The following PTPRM variants were observed in gnomAD, a reference collection of about 807,000 sequenced individuals.
PTPRM encodes the protein receptor-type tyrosine-protein phosphatase mu.
In PTPRM, 47 loss-of-function variants were observed where a neutral mutation model predicts 186.7. That is an observed-to-expected ratio of 0.25 (90% confidence interval 0.20 to 0.32). The LOEUF (loss-of-function observed/expected upper bound fraction) is 0.32, where lower values mean the gene tolerates loss of function less well. Ranked by LOEUF, PTPRM falls within the 10% of genes least tolerant of loss-of-function variation. PTPRM has a pLI of 1.00. For missense variants in PTPRM, 1,494 were observed against 1,865.0 expected, an observed-to-expected ratio of 0.80 and a Z score of 3.66; for synonymous variants, 668 against 674.9, an observed-to-expected ratio of 0.99 and a Z score of 0.16.
At chr18:8,386,192 A>ATAT (rs899838235) in intron 30 of PTPRM, among the ~76,000 whole-genome samples, 3 of 152,174 alleles carry the variant, frequency 2.0e-5, no homozygotes, top group Non-Finnish European at 2.9e-5. Context: ...GCCTTTGAAA[A>ATAT]TATAAGGGTG....
At position 7,838,683 on chromosome 18, in the gene PTPRM, C is replaced by T. The variant is rs150493159; in HGVS notation, c.197-49423C>T. Among the ~76,000 whole-genome samples the T allele has an allele frequency of 1.4e-3, 218 of 152,346 alleles. 2 individuals carry two copies. Among genetic ancestry groups the T allele is most frequent in the African/African-American group, 5.0e-3 (210 of 41,594 alleles). On this transcript the variant is annotated intron_variant, in intron 2 of 32. Transcript: ENST00000580170. ...GAACTCCCTGGCTATCACCTAATTT[C>T]ACTCAAGGCCTTGGGGCTCTACAGT...
chr18:8,378,437 G>A (rs1568864728), intron 27 of PTPRM, 23 bp downstream of exon 27: 2 of 1,611,680 alleles, frequency 1.2e-6, no homozygotes, highest in Non-Finnish European at 1.7e-6. Context: ...TAAGGGAGGG[G>A]CACTGCACGG....
intron 19 of PTPRM, among the ~76,000 whole-genome samples, chr18:8,278,536 A>T (rs573130219): frequency 6.6e-6 from 1 of 152,342 alleles, no homozygotes; most frequent in Admixed American, 6.5e-5. Context: ...CGTCAGTGAA[A>T]GCAGAGGCAA....
intron 13 of PTPRM, among the ~76,000 whole-genome samples, chr18:8,128,041 T>C (rs1034895213): frequency 6.6e-6 from 1 of 152,134 alleles, no homozygotes; most frequent in African/African-American, 2.4e-5. Flanking sequence ...AAACGTACTA[T>C]CTCTATGATA....
intron 1 of PTPRM, among the ~76,000 whole-genome samples, chr18:7,667,055 C>T (rs753345646): frequency 5.9e-5 from 9 of 152,200 alleles, no homozygotes; most frequent in Non-Finnish European, 1.0e-4. Flanking sequence ...GGAAATTAAG[C>T]ACAGTTACTT....
chr18:8,240,819 AGAGAG>A (rs2094424719), intron 14 of PTPRM, among the ~76,000 whole-genome samples: 4 of 29,152 alleles, frequency 1.4e-4, no homozygotes, highest in African/African-American at 7.1e-4. Flanking sequence ...AGAGAGAGAG[AGAGAG>A]AGAAAGAAAG....
chr18:8,183,037 C>G lies in PTPRM; in HGVS notation c.2300+39258C>G, dbSNP rs374414090. ...TTTAACGATGTACTGTTAATAATCC[C>G]CCCAGACTCAGCTACAGTTAAGGTT... On this transcript the variant is annotated intron_variant, in intron 14 of 32. Transcript: ENST00000580170. Among the ~76,000 whole-genome samples the G allele has an allele frequency of 2.0e-5, 3 of 152,260 alleles. No individual in the cohort carries two copies. The East Asian group carries it at 5.8e-4, about 29-fold the overall frequency.
chr18:8,283,825 G>GA (rs2094928725), intron 19 of PTPRM, among the ~76,000 whole-genome samples: 1 of 151,866 alleles, frequency 6.6e-6, no homozygotes, highest in South Asian at 2.1e-4. Context: ...GTCTCGCTAT[G>GA]TTGCCCAGGC....
intron 14 of PTPRM, among the ~76,000 whole-genome samples, chr18:8,173,704 C>G (rs948940456): frequency 6.6e-6 from 1 of 152,176 alleles, no homozygotes; most frequent in Admixed American, 6.5e-5. Context: ...GGTAGGGCCA[C>G]AGGATCTGTT....
At chr18:7,828,632 G>C (rs2045608576) in intron 2 of PTPRM, among the ~76,000 whole-genome samples, 1 of 152,122 alleles carries the variant, frequency 6.6e-6, no homozygotes, top group Non-Finnish European at 1.5e-5. Context: ...GCGGAAGTGT[G>C]CTGTGCAGTA....
At chr18:8,099,562 C>CTT (rs1282724515) in intron 11 of PTPRM, among the ~76,000 whole-genome samples, 160 of 152,054 alleles carry the variant, frequency 1.1e-3, no homozygotes, top group African/African-American at 3.8e-3. Flanking sequence ...GTAAACAGGC[C>CTT]AATGTGTCTT....
chr18:8,343,547 C>A, intron 23 of PTPRM, 27 bp downstream of exon 23: 1 of 1,597,674 alleles, frequency 6.3e-7, no homozygotes, highest in Non-Finnish European at 8.6e-7. Flanking sequence ...CTGCAAATGG[C>A]CATTTTGTTC....
chr18:8,010,720 G>A (rs977816184), intron 7 of PTPRM, among the ~76,000 whole-genome samples: 2 of 152,130 alleles, frequency 1.3e-5, no homozygotes, highest in African/African-American at 4.8e-5. Context: ...GGTAGGATCT[G>A]AATTTAAGGA....
intron 1 of PTPRM, among the ~76,000 whole-genome samples, chr18:7,705,631 G>A (rs867555949): frequency 3.3e-5 from 5 of 152,132 alleles, no homozygotes; most frequent in Middle Eastern, 3.4e-3. Context: ...CCTGTCTGCT[G>A]TGTTGGTTCA....
At chr18:7,908,065 T>C (rs1567998210) in intron 4 of PTPRM, among the ~76,000 whole-genome samples, 1 of 152,168 alleles carries the variant, frequency 6.6e-6, no homozygotes, top group East Asian at 1.9e-4. Flanking sequence ...TGGTGCAGTG[T>C]TGAGAGCCTC....
At chr18:8,198,541 G>A (rs1483192695) in intron 14 of PTPRM, among the ~76,000 whole-genome samples, 2 of 152,170 alleles carry the variant, frequency 1.3e-5, no homozygotes, top group Non-Finnish European at 2.9e-5. Context: ...GTATTTCTAA[G>A]AAATCAGATG....
intron 7 of PTPRM, among the ~76,000 whole-genome samples, chr18:8,042,547 C>G (rs936635886): frequency 1.3e-5 from 2 of 152,102 alleles, no homozygotes; most frequent in African/African-American, 4.8e-5. Flanking sequence ...TCCTTCTATT[C>G]TTTTTAAATG....
rs987780205 is a variant in PTPRM, at chr18:7,678,447, C to G, written c.74-95702C>G. 2.6e-5 allele frequency among the ~76,000 whole-genome samples: 4 copies of G among 152,252 alleles called. No homozygotes were observed. In the South Asian group the frequency reaches 8.3e-4, roughly 32 times the overall value. On this transcript the variant is annotated intron_variant, in intron 1 of 32. Transcript: ENST00000580170. ...ATATGAGAACTACATGCAGGGAGCACTGAGAGGAGTGACTCTGGGAGCACA... is the reference window on the plus strand; with the variant it reads ...ATATGAGAACTACATGCAGGGAGCAGTGAGAGGAGTGACTCTGGGAGCACA...
At chr18:7,864,966 A>G (rs2047602527) in intron 2 of PTPRM, among the ~76,000 whole-genome samples, 2 of 152,072 alleles carry the variant, frequency 1.3e-5, no homozygotes, top group Non-Finnish European at 2.9e-5. Flanking sequence ...GCAATTGTGA[A>G]TGGGAGTTCA....
Sources: gnomAD v4.1 joint callset for allele counts (sites outside exome capture counted in the v4.1 genomes callset) on GRCh38, gnomAD v4.1.1 for gene constraint, MANE v1.5 for transcripts, NCBI Gene and HGNC (gene_info 2026-07-23, HGNC 2026-07-21) for gene names.